Variants in FLNB observed in about 807,000 individuals in gnomAD.
The protein encoded by FLNB is filamin-B.
A neutral mutation model predicts 250.6 loss-of-function variants in FLNB; 111 were observed. That is an observed-to-expected ratio of 0.44 (90% CI 0.38 to 0.52). The LOEUF is 0.52. FLNB is among the 20% of genes least tolerant of loss of function. The pLI is 0.00. For missense variants in FLNB, 2,869 were observed against 3,447.8 expected (o/e 0.83, Z 4.20); for synonymous variants, 1,302 against 1,372.1 (o/e 0.95, Z 1.13).
intron 1 of FLNB, among the ~76,000 whole-genome samples, chr3:58,057,649 T>C (rs1423540419): frequency 6.6e-6 from 1 of 152,216 alleles, no homozygotes; most frequent in African/African-American, 2.4e-5. Context: ...AATTGGGTTT[T>C]TATGAGTAGT....
intron 35 of FLNB, 105 bp from the exon 36 acceptor site, chr3:58,148,544 G>T: frequency 8.0e-7 from 1 of 1,249,490 alleles, no homozygotes; most frequent in Admixed American, 1.9e-5. Flanking sequence ...ACTCTGGATT[G>T]TTGGGTGTCA....
At chr3:58,145,448 G>C (rs537248074) in intron 32 of FLNB, among the ~76,000 whole-genome samples, 2 of 152,094 alleles carry the variant, frequency 1.3e-5, no homozygotes, top group African/African-American at 4.8e-5. Context: ...ATGTGCACCC[G>C]AACACTGCAG....
chr3:58,157,287 C>G lies in FLNB; in HGVS notation c.6888+1212C>G, dbSNP rs2097354812. On this transcript the variant is annotated intron_variant, in intron 41 of 45. Transcript: ENST00000295956. Reference sequence around the variant, plus strand: ...AAGTATGATTTCTGGGTAAGAGTTTCTAAATAGCCTTGAGCTGCCCCCAGT... The same window carrying G: ...AAGTATGATTTCTGGGTAAGAGTTTGTAAATAGCCTTGAGCTGCCCCCAGT... 2.0e-5 allele frequency among the ~76,000 whole-genome samples: 3 copies of G among 152,154 alleles called. No individual in the cohort carries two copies. The South Asian group carries it at 6.2e-4, about 32-fold the overall frequency.
chr3:58,052,572 C>A (rs909872403), intron 1 of FLNB, among the ~76,000 whole-genome samples: 5 of 152,176 alleles, frequency 3.3e-5, no homozygotes, highest in Admixed American at 6.5e-5. Flanking sequence ...TTTAGAGAAG[C>A]CCCAGAAGCT....
intron 45 of FLNB, 176 bp from the exon 46 acceptor site, chr3:58,170,399 A>T: frequency 3.1e-6 from 2 of 634,920 alleles, no homozygotes; most frequent in Non-Finnish European, 5.6e-6. Flanking sequence ...CAGGGCAGGG[A>T]TTCGAACCCA....
intron 18 of FLNB, among the ~76,000 whole-genome samples, chr3:58,118,009 C>G (rs2097281804): frequency 6.6e-6 from 1 of 152,110 alleles, no homozygotes; most frequent in African/African-American, 2.4e-5. Flanking sequence ...TGAAGGGGAT[C>G]TTGATCTACT....
Position 58,169,087 on chromosome 3 carries a change from A to G in FLNB, c.7417+429A>G, listed in dbSNP as rs1480816236. 3.4e-6 allele frequency: 1 copy of G among 293,896 alleles called. No individual in the cohort carries two copies. The highest frequency in any genetic ancestry group is 8.8e-5 in the East Asian group (1 of 11,426). The allele number at this position is 293,896 out of a possible 1,614,324, so 18.2% of individuals were successfully genotyped here. On this transcript the variant is annotated intron_variant, in intron 44 of 45. Transcript: ENST00000295956. The surrounding 1 kb of genome is among the most constrained non-coding windows in gnomAD (Gnocchi z 4.8). ...TTCACAGCCACCACCCAAGGTAACCACCATAAACACTGTAGTAAATCCCTT... is the reference window on the plus strand; with the variant it reads ...TTCACAGCCACCACCCAAGGTAACCGCCATAAACACTGTAGTAAATCCCTT...
At chr3:58,034,668 A>G (rs1192701742) in intron 1 of FLNB, among the ~76,000 whole-genome samples, 2 of 152,218 alleles carry the variant, frequency 1.3e-5, no homozygotes, top group African/African-American at 4.8e-5. Flanking sequence ...TGGGAAACCT[A>G]CCTAATCCTG....
intron 1 of FLNB, among the ~76,000 whole-genome samples, chr3:58,067,504 C>T (rs2097187383): frequency 6.6e-6 from 1 of 151,684 alleles, no homozygotes; most frequent in East Asian, 1.9e-4. Context: ...GAGATAGGCC[C>T]ATGAGACTTC....
intron 1 of FLNB, among the ~76,000 whole-genome samples, chr3:58,030,371 G>A (rs772090526): frequency 1.3e-5 from 2 of 152,214 alleles, no homozygotes; most frequent in Non-Finnish European, 2.9e-5. Flanking sequence ...GCATCTAAAT[G>A]ATGTCATCAA....
At chr3:58,166,831 AT>A (rs1435541006) in intron 43 of FLNB, among the ~76,000 whole-genome samples, 13 of 149,190 alleles carry the variant, frequency 8.7e-5, no homozygotes, top group Non-Finnish European at 1.3e-4. Context: ...AAAAAAAAAA[AT>A]ATTAGTAATA....
chr3:58,155,796 A>G (rs2097352464), intron 40 of FLNB, among the ~76,000 whole-genome samples, 164 bp from the exon 41 acceptor site: 1 of 152,114 alleles, frequency 6.6e-6, no homozygotes. Flanking sequence ...CACTAAGGAA[A>G]TCATATCGGC....
chr3:58,160,719 C>T (rs2097360054), intron 42 of FLNB, among the ~76,000 whole-genome samples: 1 of 152,126 alleles, frequency 6.6e-6, no homozygotes, highest in Non-Finnish European at 1.5e-5. Context: ...TCTGACCAGG[C>T]ATGGTGGCTC....
At position 58,148,336 on chromosome 3, in the gene FLNB, C is replaced by T. The variant is rs767451533; in HGVS notation, c.5859C>T (p.Leu1953=). The change falls in exon 35 of 46, where the codon CTC becomes CTT. Residue 1953 remains leucine (L), a synonymous_variant. Coordinates refer to ENST00000295956, the MANE Select transcript of FLNB (RefSeq NM_001457.4). ...CATCTGGCCGAGACGAGCCCTGTCT[C>T]CTGAAGAGGCTGCCCAACAACCACA... ...KAPSGRDEPC[L]LKRLPNNHIG... 7 of 1,613,824 alleles carry T rather than the reference C, an allele frequency of 4.3e-6. No individual in the cohort carries two copies. The African/African-American group carries it at 8.0e-5, about 18-fold the overall frequency.
rs937679695 is a variant in FLNB, at chr3:58,134,633, T to G, written c.4532T>G (p.Val1511Gly). ...CTATCAAGTCCCTTCAAGGTCAAGGTCCTTCCCACATATGATGCCAGCAAA... is the reference window on the plus strand; with the variant it reads ...CTATCAAGTCCCTTCAAGGTCAAGGGCCTTCCCACATATGATGCCAGCAAA... Reference protein sequence around the residue: ...EIPRSPFKVKVLPTYDASKVT... With the variant: ...EIPRSPFKVKGLPTYDASKVT... Residue 1511 changes from valine to glycine, a missense_variant, in exon 27 of 46, where the codon GTC becomes GGC. Transcript: ENST00000295956. 6.2e-7 allele frequency: 1 copy of G among 1,614,162 alleles called. No individual in the cohort carries two copies. The highest frequency in any genetic ancestry group is 8.5e-7 in the Non-Finnish European group (1 of 1,180,018).
At chr3:58,154,012 G>A (rs145379984) in intron 39 of FLNB, among the ~76,000 whole-genome samples, 1,896 of 152,260 alleles carry the variant, frequency 0.012, 20 homozygotes, top group Non-Finnish European at 0.018. Flanking sequence ...TGTGGTTGCC[G>A]CTGGTGGGAA....
In FLNB at chr3:58,121,241, G is replaced by C. The variant is rs191462781; in HGVS notation, c.2864G>C (p.Arg955Thr). ...ACCTCAGCTTGTGTTTCTTTTCCAG[G>C]GGTGGAAGTTGGGAAGGATCAGGAG... ...SKIKLNGLEN[R>T]VEVGKDQEFT... is the part of the protein sequence containing the mutation. The change falls in exon 20 of 46, where the codon AGG becomes ACG. Residue 955 changes from arginine to threonine, a missense_variant and splice_region_variant. Arg to Thr is a moderately conservative substitution (Grantham distance 71). This residue lies in a region of FLNB where 1,348 missense variants were observed against 1,466.7 expected (regional missense o/e 0.92). Coordinates refer to ENST00000295956, the MANE Select transcript of FLNB (RefSeq NM_001457.4). 6.8e-6 allele frequency: 11 copies of C among 1,614,156 alleles called. No individual in the cohort carries two copies. The highest frequency in any genetic ancestry group is 9.3e-6 in the Non-Finnish European group (11 of 1,180,032).
Position 58,170,593 on chromosome 3 carries a change from T to C in FLNB, c.7640T>C (p.Ile2547Thr), listed in dbSNP as rs1341381124. Residue 2547 changes from isoleucine to threonine, a missense_variant, in exon 46 of 46, where the codon ATC (isoleucine) becomes ACC (threonine). By Grantham distance (89) the Ile-to-Thr change is moderately conservative (BLOSUM62 -1). Transcript: ENST00000295956. Reference sequence around the variant, plus strand: ...CTCCTAGGCTCCAACATGCTGCTGATCGGGGTCCATGGGCCCACCACCCCC... The same window carrying C: ...CTCCTAGGCTCCAACATGCTGCTGACCGGGGTCCATGGGCCCACCACCCCC... Reference protein sequence around the residue: ...CSKAGSNMLLIGVHGPTTPCE... With the variant: ...CSKAGSNMLLTGVHGPTTPCE... The C allele has an allele frequency of 6.2e-7, 1 of 1,613,990 alleles. No homozygotes were observed. Among genetic ancestry groups the C allele is most frequent in the African/African-American group, 1.3e-5 (1 of 74,894 alleles).
chr3:58,157,991 C>T (rs1213318161), intron 41 of FLNB, among the ~76,000 whole-genome samples: 1 of 151,612 alleles, frequency 6.6e-6, no homozygotes, highest in Non-Finnish European at 1.5e-5. Flanking sequence ...AATTATTGAT[C>T]AGAGATTTTG....
Sources: allele counts gnomAD v4.1 joint callset (sites outside exome capture counted in the v4.1 genomes callset), GRCh38; gene constraint gnomAD v4.1.1; regional missense constraint gnomAD v4.1.1; non-coding constraint Gnocchi (gnomAD v3.1); transcripts MANE v1.5; gene names NCBI Gene and HGNC (gene_info 2026-07-23, HGNC 2026-07-21).